Variants in ZNF487 observed in about 807,000 individuals in gnomAD.
The protein encoded by ZNF487 is KRAB domain only 1.
ZNF487 carries 4 observed loss-of-function variants against 3.0 expected under a neutral mutation model. That is an observed-to-expected ratio of 1.35 (90% CI 0.66 to 3.08). The LOEUF is 3.08. ZNF487 is among the 30% of genes most tolerant of loss of function. ZNF487 has a pLI of 0.01. For synonymous variants in ZNF487, 55 were observed against 34.6 expected (o/e 1.59, Z -2.06); for missense variants, 146 against 98.7 (o/e 1.48, Z -2.03).
At chr10:43,518,285 A>G in the ZNF487 span, among the ~76,000 whole-genome samples, 3 of 152,172 alleles carry the variant, frequency 2.0e-5, no homozygotes, top group Non-Finnish European at 4.4e-5. Flanking sequence ...TCTACCTCCC[A>G]TCTAGGCCCC....
At chr10:43,490,695 A>AC in the ZNF487 span, among the ~76,000 whole-genome samples, 28 of 126,066 alleles carry the variant, frequency 2.2e-4, no homozygotes, top group African/African-American at 8.6e-4. Flanking sequence ...TTTTTTTGAG[A>AC]TGGAATTTCA....
chr10:43,480,825 A>G (rs1248267951), intron 3 of ZNF487, among the ~76,000 whole-genome samples: 1 of 151,724 alleles, frequency 6.6e-6, no homozygotes, highest in Non-Finnish European at 1.5e-5. Flanking sequence ...CAAGAGGAAG[A>G]CTCTTCACAA....
intron 1 of ZNF487, among the ~76,000 whole-genome samples, chr10:43,445,655 C>T (rs1318174383): frequency 2.7e-5 from 4 of 150,128 alleles, no homozygotes; most frequent in Non-Finnish European, 5.9e-5. Flanking sequence ...TTTTTTGATC[C>T]TCAAAAATTT....
the ZNF487 span, among the ~76,000 whole-genome samples, chr10:43,494,765 CAAAAAAAAAAAA>C: frequency 3.4e-4 from 12 of 35,790 alleles, no homozygotes; most frequent in Middle Eastern, 0.018. Flanking sequence ...ACTAAAAATA[CAAAAAAAAAAAA>C]AAAAAAAAAA....
the ZNF487 span, among the ~76,000 whole-genome samples, chr10:43,508,773 G>A: frequency 6.6e-6 from 1 of 152,102 alleles, no homozygotes. Context: ...TTGAACCTGG[G>A]AGGCGGAGGT....
Position 43,481,880 on chromosome 10 carries a change from C to T in ZNF487, c.582C>T (p.Ala194=). Residue 194 remains alanine (A), a synonymous_variant, in exon 4 of 4, where the codon GCC becomes GCT. Transcript: ENST00000437590. ...GGAAGGCTTTTCATGAAGAGGCAGC[C>T]TGCAGTACCCATAAGAGAGTGTGCT... ...QCGKAFHEEA[A]CSTHKRVCSW... 1.4e-6 allele frequency: 1 copy of T among 700,268 alleles called. No individual in the cohort carries two copies. The highest frequency in any genetic ancestry group is 1.7e-5 in the African/African-American group (1 of 57,272). 43.4% of individuals were successfully genotyped at this position (700,268 alleles called of 1,614,324 possible).
chr10:43,443,733 G>C (rs927631491), intron 1 of ZNF487, among the ~76,000 whole-genome samples: 1 of 151,546 alleles, frequency 6.6e-6, no homozygotes, highest in African/African-American at 2.4e-5. Context: ...ATGTCACCTA[G>C]GGTGGTCTCA....
In ZNF487 at chr10:43,481,695, C is replaced by G. The variant is rs751103348; in HGVS notation, c.397C>G (p.Arg133Gly). 3 of 711,720 alleles carry G rather than the reference C, an allele frequency of 4.2e-6. No homozygotes were observed. The highest frequency in any genetic ancestry group is 7.8e-6 in the Non-Finnish European group (3 of 382,806). The allele number at this position is 711,720 out of a possible 1,614,324, so 44.1% of individuals were successfully genotyped here. A position where few individuals can be genotyped will look rare whatever the true frequency, so the allele number is the denominator to read the frequency against. The change falls in exon 4 of 4, where the codon CGT becomes GGT. Residue 133 changes from arginine (R) to glycine (G), a missense_variant. By Grantham distance (125) the Arg-to-Gly change is moderately radical. Transcript: ENST00000437590. ...FVRNPAECNV[R>G]GKFLLCMKRE... Reference sequence around the variant, plus strand: ...AAGGAACCCTGCTGAGTGTAATGTACGTGGGAAATTTCTCCTCTGTATGAA... The same window carrying G: ...AAGGAACCCTGCTGAGTGTAATGTAGGTGGGAAATTTCTCCTCTGTATGAA...
chr10:43,490,552 C>T, the ZNF487 span, among the ~76,000 whole-genome samples: 4 of 88,878 alleles, frequency 4.5e-5, no homozygotes, highest in Non-Finnish European at 6.5e-5. Context: ...TCTTGTTGCA[C>T]GGGCTGGAGT....
intron 1 of ZNF487, among the ~76,000 whole-genome samples, chr10:43,457,005 C>T (rs1160444550): frequency 2.6e-5 from 4 of 152,206 alleles, no homozygotes; most frequent in Non-Finnish European, 4.4e-5. Flanking sequence ...GATGTGGGTG[C>T]TTCCACCATG....
the ZNF487 span, among the ~76,000 whole-genome samples, chr10:43,519,845 C>T: frequency 1.3e-5 from 2 of 152,146 alleles, no homozygotes; most frequent in Admixed American, 1.3e-4. Flanking sequence ...TGCCCCAAAC[C>T]CTGCCTAACT....
chr10:43,486,998 C>T (rs374650187), downstream of ZNF487, among the ~76,000 whole-genome samples: 4 of 152,094 alleles, frequency 2.6e-5, no homozygotes, highest in African/African-American at 7.2e-5. Context: ...CAACAACAAA[C>T]GTGTAACATA....
chr10:43,514,562 A>T, the ZNF487 span, among the ~76,000 whole-genome samples: 6 of 152,200 alleles, frequency 3.9e-5, no homozygotes, highest in Admixed American at 3.9e-4. Context: ...GAACACCATG[A>T]TTAGCCAATG....
chr10:43,442,435 T>C (rs1839649097), intron 1 of ZNF487, among the ~76,000 whole-genome samples: 1 of 151,986 alleles, frequency 6.6e-6, no homozygotes, highest in African/African-American at 2.4e-5. Context: ...CCTGAATTTA[T>C]TTATTTATTT....
the ZNF487 span, among the ~76,000 whole-genome samples, chr10:43,502,466 T>C: frequency 6.6e-6 from 1 of 152,154 alleles, no homozygotes; most frequent in African/African-American, 2.4e-5. Flanking sequence ...GGCACATGTA[T>C]ACATATGTAA....
At chr10:43,484,339 G>T (rs966033264), downstream of ZNF487, among the ~76,000 whole-genome samples, 3 of 151,752 alleles carry the variant, frequency 2.0e-5, no homozygotes, top group Non-Finnish European at 4.4e-5. Flanking sequence ...AGGCGCGGTG[G>T]CTCACACCTG....
chr10:43,450,941 A>T (rs1564414918), intron 1 of ZNF487, among the ~76,000 whole-genome samples: 1 of 151,744 alleles, frequency 6.6e-6, no homozygotes, highest in Non-Finnish European at 1.5e-5. Flanking sequence ...CATTATTATT[A>T]TTTTTTTATT....
the ZNF487 span, among the ~76,000 whole-genome samples, chr10:43,489,016 G>A: frequency 2.6e-5 from 4 of 152,032 alleles, no homozygotes; most frequent in African/African-American, 7.3e-5. Context: ...CTGGCTACTC[G>A]GAAGAATCAC....
At chr10:43,508,134 G>T in the ZNF487 span, among the ~76,000 whole-genome samples, 1 of 152,170 alleles carries the variant, frequency 6.6e-6, no homozygotes, top group Non-Finnish European at 1.5e-5. Context: ...TTGTGAGGGG[G>T]TTAATTCAAA....
Sources: allele counts gnomAD v4.1 joint callset (sites outside exome capture counted in the v4.1 genomes callset), GRCh38; gene constraint gnomAD v4.1.1; transcripts MANE v1.5; gene names NCBI Gene and HGNC (gene_info 2026-07-23, HGNC 2026-07-21).